SERPINB12: variants seen among roughly 807,000 people sequenced by gnomAD.
The protein encoded by SERPINB12 is serpin family B member 12.
In SERPINB12, 57 loss-of-function variants were observed where a neutral mutation model predicts 41.1. The observed-to-expected ratio is 1.39, with a 90% CI of 1.12 to 1.73. SERPINB12 has a LOEUF of 1.73. Ranked by LOEUF, SERPINB12 falls within the 40% of genes most tolerant of loss-of-function variation. SERPINB12 has a pLI of 0.00. For missense variants in SERPINB12, 536 were observed against 501.9 expected, an observed-to-expected ratio of 1.07 and a Z score of -0.65; for synonymous variants, 180 against 181.3, an observed-to-expected ratio of 0.99 and a Z score of 0.06.
Position 63,545,174 on chromosome 18 carries a change from G to A in SERPINB12, c.-19+2682G>A, listed in dbSNP as rs537522820. Among the ~76,000 whole-genome samples the A allele has an allele frequency of 3.9e-5, 6 of 152,008 alleles. No homozygotes were observed. In the East Asian group the frequency reaches 7.7e-4, roughly 20 times the overall value. On this transcript the variant is annotated intron_variant, in intron 1 of 7. Transcript: ENST00000382768. ...GGAATCATCTAGCTCTATACTTGAT[G>A]AAGTAAACATTATTTTTACGGCCTG...
At chr18:63,545,665 A>G (rs1910371220) in intron 1 of SERPINB12, among the ~76,000 whole-genome samples, 1 of 152,154 alleles carries the variant, frequency 6.6e-6, no homozygotes. Flanking sequence ...ATTATCCCCC[A>G]ACAGTAACAG....
At chr18:63,537,148 A>G in the SERPINB12 span, among the ~76,000 whole-genome samples, 1 of 152,208 alleles carries the variant, frequency 6.6e-6, no homozygotes, top group Non-Finnish European at 1.5e-5. Context: ...GTTTATCAGA[A>G]TCAACTAGTA....
chr18:63,560,442 A>C (rs1315190079), intron 4 of SERPINB12, among the ~76,000 whole-genome samples: 1 of 152,218 alleles, frequency 6.6e-6, no homozygotes, highest in African/African-American at 2.4e-5. Context: ...AATGAAAGTA[A>C]GATTTTTCAT....
intron 4 of SERPINB12, among the ~76,000 whole-genome samples, chr18:63,560,588 A>C (rs1349683796): frequency 6.6e-6 from 1 of 152,240 alleles, no homozygotes; most frequent in Non-Finnish European, 1.5e-5. Context: ...AAATACATAT[A>C]AAATTTACCA....
intron 1 of SERPINB12, among the ~76,000 whole-genome samples, chr18:63,544,330 T>A (rs1910336228): frequency 6.6e-6 from 1 of 152,234 alleles, no homozygotes; most frequent in African/African-American, 2.4e-5. Flanking sequence ...TAGATAATGT[T>A]ATAAAGATTT....
Position 63,558,984 on chromosome 18 carries a change from G to GTCTT in SERPINB12, c.303+509_303+512dup, listed in dbSNP as rs1203350294. On this transcript the variant is annotated intron_variant, in intron 3 of 7. Transcript: ENST00000382768. The stretch of plus-strand genomic sequence containing the variant: ...TTAAGAGGAGGGTGGATAGATGATT[G>GTCTT]TCTTTCTTTCTTTCCTTCCTTCTTT... Among the ~76,000 whole-genome samples, 5 of 94,246 alleles carry GTCTT rather than the reference G, an allele frequency of 5.3e-5. No homozygotes were observed. The East Asian group carries it at 1.3e-3, about 25-fold the overall frequency. 61.8% of individuals were successfully genotyped at this position (94,246 alleles called of 152,430 possible).
chr18:63,561,032 A>G (rs1910886878), intron 4 of SERPINB12, 53 bp from the exon 5 acceptor site: 2 of 1,170,444 alleles, frequency 1.7e-6, no homozygotes, highest in Non-Finnish European at 2.5e-6. Flanking sequence ...CCTAACTACG[A>G]GCATCACTGC....
Position 63,566,695 on chromosome 18 carries a change from G to A in SERPINB12, c.962G>A (p.Arg321Gln), listed in dbSNP as rs755221725. 2.2e-5 allele frequency: 35 copies of A among 1,613,856 alleles called. No homozygotes were observed. Among genetic ancestry groups the A allele is most frequent in the East Asian group, 4.5e-5 (2 of 44,898 alleles). The change falls in exon 8 of 8, where the codon CGG (arginine) becomes CAG (glutamine). Residue 321 changes from arginine to glutamine, a missense_variant. Physicochemically the swap from Arg to Gln is conservative, Grantham distance 43. Coordinates refer to ENST00000382768, the MANE Select transcript of SERPINB12 (RefSeq NM_001307928.2). ...GAATCGGTGGTCCTGTCCTTCCCCC[G>A]GTTCACCCTGGAAGACAGCTATGAT... ...SEESVVLSFP[R>Q]FTLEDSYDLN... is the part of the protein sequence containing the mutation.
chr18:63,554,829 C>T (rs1345323957), intron 1 of SERPINB12, among the ~76,000 whole-genome samples: 1 of 152,142 alleles, frequency 6.6e-6, no homozygotes, highest in Non-Finnish European at 1.5e-5. Context: ...CCATAATCTC[C>T]ACGTGTTGAG....
upstream of SERPINB12, among the ~76,000 whole-genome samples, chr18:63,538,538 C>G (rs1910215809): frequency 6.6e-6 from 1 of 152,060 alleles, no homozygotes; most frequent in Non-Finnish European, 1.5e-5. Context: ...TTTTTAAAGG[C>G]CAAATAATAT....
chr18:63,527,887 G>A, the SERPINB12 span, among the ~76,000 whole-genome samples: 2 of 152,086 alleles, frequency 1.3e-5, no homozygotes, highest in African/African-American at 2.4e-5. Context: ...GAGGGATCTG[G>A]TGAGAGGTAA....
chr18:63,553,659 T>C (rs1295140173), intron 1 of SERPINB12, among the ~76,000 whole-genome samples: 3 of 152,178 alleles, frequency 2.0e-5, no homozygotes, highest in Admixed American at 6.5e-5. Flanking sequence ...AAGATTTTGA[T>C]CAAACATTAA....
chr18:63,559,556 A>G, intron 3 of SERPINB12, 22 bp from the exon 4 acceptor site: 1 of 1,613,206 alleles, frequency 6.2e-7, no homozygotes, highest in South Asian at 1.1e-5. Flanking sequence ...TGAAGGTCAC[A>G]TTTTGTTTCT....
At chr18:63,529,929 C>G in the SERPINB12 span, among the ~76,000 whole-genome samples, 2 of 152,152 alleles carry the variant, frequency 1.3e-5, no homozygotes, top group South Asian at 4.1e-4. Flanking sequence ...AAACTCCTTC[C>G]CATGACAATT....
At chr18:63,534,907 C>T in the SERPINB12 span, among the ~76,000 whole-genome samples, 1,979 of 152,218 alleles carry the variant, frequency 0.013, 20 homozygotes, top group Non-Finnish European at 0.017. Flanking sequence ...CAAAAGAGTG[C>T]AGACCACAGG....
At chr18:63,557,453 T>C (rs956141802) in intron 2 of SERPINB12, among the ~76,000 whole-genome samples, 1 of 152,198 alleles carries the variant, frequency 6.6e-6, no homozygotes, top group African/African-American at 2.4e-5. Flanking sequence ...GTTGGCCTTA[T>C]ACTTCCTTGG....
chr18:63,549,223 A>G (rs1039881945), intron 1 of SERPINB12, among the ~76,000 whole-genome samples: 1 of 152,148 alleles, frequency 6.6e-6, no homozygotes, highest in Non-Finnish European at 1.5e-5. Context: ...TGGAAAGCAC[A>G]CGGAAAAATA....
chr18:63,558,507 A>C, intron 3 of SERPINB12, 21 bp downstream of exon 3: 2 of 1,588,618 alleles, frequency 1.3e-6, no homozygotes, highest in Non-Finnish European at 1.7e-6. Flanking sequence ...ACCGTAGAAA[A>C]CTCTTGCCTT....
the SERPINB12 span, among the ~76,000 whole-genome samples, chr18:63,520,982 A>T: frequency 6.6e-6 from 1 of 152,346 alleles, no homozygotes; most frequent in African/African-American, 2.4e-5. Flanking sequence ...TAAAGGTAAA[A>T]TAAGGAGGAT....
Sources: gnomAD v4.1 joint callset for allele counts (sites outside exome capture counted in the v4.1 genomes callset) on GRCh38, gnomAD v4.1.1 for gene constraint, MANE v1.5 for transcripts, NCBI Gene and HGNC (gene_info 2026-07-23, HGNC 2026-07-21) for gene names.